The following TFAP2B variants were observed in gnomAD, a reference collection of about 807,000 sequenced individuals.
TFAP2B encodes the protein transcription factor AP-2 beta, also known as transcription factor AP-2-beta.
In TFAP2B, 9 loss-of-function variants were observed where a neutral mutation model predicts 44.3. The observed-to-expected ratio is 0.20, with a 90% CI of 0.12 to 0.35. The LOEUF is 0.35. Among genes scored for constraint, TFAP2B ranks in the 10% least tolerant of loss-of-function variants. The pLI, the probability that TFAP2B is intolerant of heterozygous loss-of-function variation, is 1.00. For synonymous variants in TFAP2B, 270 were observed against 263.8 expected, an observed-to-expected ratio of 1.02 and a Z score of -0.23; for missense variants, 509 against 600.0, an observed-to-expected ratio of 0.85 and a Z score of 1.59.
chr6:50,841,442 G>T (rs955654004), intron 6 of TFAP2B, among the ~76,000 whole-genome samples: 11 of 152,002 alleles, frequency 7.2e-5, no homozygotes, highest in East Asian at 3.9e-4. Context: ...TGTGTGTGTG[G>T]GGGGGATCAG....
chr6:50,824,681 C>T (rs1443795337), intron 2 of TFAP2B, among the ~76,000 whole-genome samples: 1 of 152,200 alleles, frequency 6.6e-6, no homozygotes, highest in Non-Finnish European at 1.5e-5. Context: ...AGAGGCATCA[C>T]GTGTTTATTT....
At chr6:50,823,904 A>G in intron 2 of TFAP2B, 39 bp downstream of exon 2, 1 of 1,527,982 alleles carries the variant, frequency 6.5e-7, no homozygotes, top group South Asian at 1.2e-5. Flanking sequence ...AAAAAAGACC[A>G]CGAATAAGGA....
At chr6:50,828,350 A>G (rs1217330427) in intron 2 of TFAP2B, among the ~76,000 whole-genome samples, 1 of 152,184 alleles carries the variant, frequency 6.6e-6, no homozygotes, top group Non-Finnish European at 1.5e-5. Flanking sequence ...TTATCTGTCT[A>G]ATATCTATGT....
intron 4 of TFAP2B, among the ~76,000 whole-genome samples, chr6:50,836,628 C>G (rs1201844402): frequency 6.6e-6 from 1 of 152,208 alleles, no homozygotes; most frequent in Non-Finnish European, 1.5e-5. Flanking sequence ...CATTCTCCAG[C>G]CTGAGTACAA....
In TFAP2B at chr6:50,818,896, A is replaced by G; in HGVS notation, c.5A>G (p.His2Arg). Residue 2 changes from histidine (H) to arginine (R), a missense_variant, in exon 1 of 7, where the codon CAC (histidine) becomes CGC (arginine). Transcript: ENST00000393655. M[H>R]SPPRDQAAIM... ...AGACATCTGCTCCTCACATGAATGC[A>G]CTCACCTCCTAGAGACCAGGCTGCC... 1 of 1,613,908 alleles carries G rather than the reference A, an allele frequency of 6.2e-7. No individual in the cohort carries two copies. The highest frequency in any genetic ancestry group is 8.5e-7 in the Non-Finnish European group (1 of 1,179,974).
chr6:50,818,825 T>C, upstream of TFAP2B: 1 of 1,492,866 alleles, frequency 6.7e-7, no homozygotes, highest in Non-Finnish European at 9.3e-7. Flanking sequence ...ATCCCCCATT[T>C]CCAATTATAG....
At position 50,828,626 on chromosome 6, in the gene TFAP2B, A is replaced by C; in HGVS notation, c.548A>C (p.Glu183Ala). The C allele has an allele frequency of 6.2e-7, 1 of 1,613,766 alleles. No homozygotes were observed. Among genetic ancestry groups the C allele is most frequent in the Non-Finnish European group, 8.5e-7 (1 of 1,179,690 alleles). ...HPGMEDVQSVEDANNSGMNLL... is the reference protein window; with the variant it reads ...HPGMEDVQSVADANNSGMNLL... The stretch of plus-strand genomic sequence containing the variant: ...ATGTTTTTATATTCACAGTCAGTTG[A>C]AGATGCCAATAACAGCGGCATGAAT... The change falls in exon 3 of 7, where the codon GAA becomes GCA. Residue 183 changes from glutamate (E) to alanine (A), a missense_variant. Transcript: ENST00000393655.
intron 5 of TFAP2B, among the ~76,000 whole-genome samples, chr6:50,839,153 G>A (rs574679299): frequency 6.6e-6 from 1 of 152,248 alleles, no homozygotes; most frequent in East Asian, 1.9e-4. Context: ...TCAGGGAATT[G>A]CTAATATCAT....
rs760500367 is a variant in TFAP2B, at chr6:50,847,493, A to G, written c.*4101A>G. The G allele has an allele frequency of 2.6e-5, 4 of 152,658 alleles. No homozygotes were observed. Among genetic ancestry groups the G allele is most frequent in the Non-Finnish European group, 5.9e-5 (4 of 68,048 alleles). The allele number at this position is 152,658 out of a possible 1,614,324, so 9.5% of individuals were successfully genotyped here. A position where few individuals can be genotyped will look rare whatever the true frequency, so the allele number is the denominator to read the frequency against. ...TGGTTAAAAAACCTCTTGACCCTAG[A>G]TAGAATCCTATCTGAATTTTTCTGT... On this transcript the variant is annotated 3_prime_UTR_variant, in exon 7 of 7. Coordinates refer to ENST00000393655, the MANE Select transcript of TFAP2B (RefSeq NM_003221.4).
intron 1 of TFAP2B, chr6:50,822,053 A>C (rs1581807188): frequency 2.0e-6 from 2 of 1,007,776 alleles, no homozygotes; most frequent in Non-Finnish European, 2.7e-6. Flanking sequence ...TCCTGTGTCC[A>C]GCTCGCTTCT....
intron 6 of TFAP2B, 99 bp downstream of exon 6, chr6:50,840,396 G>A: frequency 2.0e-6 from 3 of 1,487,020 alleles, no homozygotes; most frequent in Non-Finnish European, 2.8e-6. Flanking sequence ...AGAAGCCAGA[G>A]GGTTGTCTAG....
intron 3 of TFAP2B, among the ~76,000 whole-genome samples, chr6:50,831,195 G>A (rs1488300792): frequency 1.3e-5 from 2 of 152,254 alleles, no homozygotes; most frequent in East Asian, 3.9e-4. Context: ...TTGCTATCTG[G>A]GCTTAGCTGA....
intron 1 of TFAP2B, chr6:50,821,903 G>C: frequency 3.4e-6 from 1 of 296,074 alleles, no homozygotes; most frequent in Non-Finnish European, 6.5e-6. Context: ...GAAGAAAAGA[G>C]GCCAAAAAGA....
intron 2 of TFAP2B, 152 bp from the exon 3 acceptor site, chr6:50,828,467 T>G: frequency 1.5e-6 from 1 of 666,172 alleles, no homozygotes; most frequent in Non-Finnish European, 2.5e-6. Flanking sequence ...TTCATTTCTA[T>G]GTCTATTTGG....
chr6:50,828,470 C>G, intron 2 of TFAP2B, 149 bp from the exon 3 acceptor site: 1 of 674,860 alleles, frequency 1.5e-6, no homozygotes, highest in Non-Finnish European at 2.4e-6. Context: ...ATTTCTATGT[C>G]TATTTGGAGG....
At chr6:50,830,788 C>T (rs1194061738) in intron 3 of TFAP2B, among the ~76,000 whole-genome samples, 1 of 152,150 alleles carries the variant, frequency 6.6e-6, no homozygotes, top group African/African-American at 2.4e-5. Context: ...AGCCCCTTCC[C>T]CTGCACCCTA....
chr6:50,829,320 C>T (rs1770610587), intron 3 of TFAP2B, among the ~76,000 whole-genome samples: 1 of 152,184 alleles, frequency 6.6e-6, no homozygotes, highest in Non-Finnish European at 1.5e-5. Flanking sequence ...CAAATGTTTG[C>T]AGTCTCTTGT....
chr6:50,822,271 C>G (rs1770375057), intron 1 of TFAP2B: 1 of 1,014,068 alleles, frequency 9.9e-7, no homozygotes, highest in Admixed American at 2.4e-5. Context: ...CTCTCTCTGT[C>G]TTCCTTTGAG....
In TFAP2B at chr6:50,844,188, TC is replaced by T. The variant is rs2113962888; in HGVS notation, c.*798del. 1.3e-5 allele frequency: 2 copies of T among 152,236 alleles called. 1 individual carries two copies. The highest frequency in any genetic ancestry group is 4.1e-4 in the South Asian group (2 of 4,824). The allele number at this position is 152,236 out of a possible 1,614,324, so 9.4% of individuals were successfully genotyped here. On this transcript the variant is annotated 3_prime_UTR_variant, in exon 7 of 7. Coordinates refer to ENST00000393655, the MANE Select transcript of TFAP2B (RefSeq NM_003221.4). ...ATAAGTTGATTCAAACATCATCAGT[TC>T]CTTTCAGAAATGTTACTAGCTCCCA... is the stretch of plus-strand genomic sequence containing the variant.
Sources: gnomAD v4.1 joint callset for allele counts (sites outside exome capture counted in the v4.1 genomes callset) on GRCh38, gnomAD v4.1.1 for gene constraint, MANE v1.5 for transcripts, NCBI Gene and HGNC (gene_info 2026-07-23, HGNC 2026-07-21) for gene names.